The following TMEM135 variants were observed in gnomAD, a reference collection of about 807,000 sequenced individuals.
TMEM135 encodes the protein transmembrane protein 135.
Under a neutral mutation model 60.3 loss-of-function variants are expected in TMEM135, and 30 were observed. The ratio of observed to expected loss-of-function variants is 0.50; its 90% CI spans 0.37 to 0.68. TMEM135 has a LOEUF of 0.68. TMEM135 is among the 30% of genes least tolerant of loss of function. The pLI, the probability that TMEM135 is intolerant of heterozygous loss-of-function variation, is 0.00. For synonymous variants in TMEM135, 190 were observed against 186.7 expected (o/e 1.02, Z -0.14); for missense variants, 468 against 548.8 (o/e 0.85, Z 1.47).
chr11:87,044,554 T>C (rs1949778010), intron 1 of TMEM135, among the ~76,000 whole-genome samples: 2 of 152,098 alleles, frequency 1.3e-5, no homozygotes, highest in Non-Finnish European at 2.9e-5. Flanking sequence ...ACCTAACTTA[T>C]GGGGGTGTAA....
At chr11:87,311,439 TA>T (rs1942639840) in intron 10 of TMEM135, among the ~76,000 whole-genome samples, 1 of 152,174 alleles carries the variant, frequency 6.6e-6, no homozygotes, top group South Asian at 2.1e-4. Flanking sequence ...TATTCACATT[TA>T]AAAAAATTTC....
chr11:87,230,987 A>G (rs950445841), intron 5 of TMEM135, among the ~76,000 whole-genome samples: 3 of 152,114 alleles, frequency 2.0e-5, no homozygotes, highest in Non-Finnish European at 4.4e-5. Context: ...AACAAAGTCT[A>G]TGAAAAAATG....
At chr11:87,129,265 C>T (rs1484808290) in intron 4 of TMEM135, among the ~76,000 whole-genome samples, 2 of 95,694 alleles carry the variant, frequency 2.1e-5, no homozygotes, top group African/African-American at 3.9e-5. Context: ...TTTTTTGAGA[C>T]GGAGTCTTGT....
rs1942842076 is a variant in TMEM135, at chr11:87,322,627, T to G, written c.*1294T>G. On this transcript the variant is annotated 3_prime_UTR_variant, in exon 15 of 15. Transcript: ENST00000305494. ...ATACATTTTGTTGCTAAAAAGTTTT[T>G]AGGCCAGTGCAAATTATGCAGTAGA... 1 of 453,186 alleles carries G rather than the reference T, an allele frequency of 2.2e-6. No homozygotes were observed. Among genetic ancestry groups the G allele is most frequent in the Non-Finnish European group, 4.4e-6 (1 of 226,660 alleles). The allele number at this position is 453,186 out of a possible 1,614,324, so 28.1% of individuals were successfully genotyped here.
intron 6 of TMEM135, among the ~76,000 whole-genome samples, chr11:87,253,807 T>C (rs1046740951): frequency 2.6e-5 from 4 of 151,682 alleles, no homozygotes; most frequent in Non-Finnish European, 4.4e-5. Context: ...ACCTAGAATT[T>C]AATAGTAACA....
At chr11:87,239,857 GT>G (rs1395896236) in intron 6 of TMEM135, among the ~76,000 whole-genome samples, 1 of 151,866 alleles carries the variant, frequency 6.6e-6, no homozygotes, top group Non-Finnish European at 1.5e-5. Flanking sequence ...AAAGCAACAC[GT>G]TTTTGATATT....
intron 5 of TMEM135, among the ~76,000 whole-genome samples, chr11:87,228,477 AG>A (rs1293587784): frequency 4.6e-5 from 7 of 152,278 alleles, no homozygotes; most frequent in Admixed American, 4.6e-4. Context: ...CGCAAGAGGA[AG>A]CGTATTGCTC....
chr11:87,083,443 G>C (rs978334579), intron 3 of TMEM135, among the ~76,000 whole-genome samples: 1 of 152,192 alleles, frequency 6.6e-6, no homozygotes, highest in East Asian at 1.9e-4. Flanking sequence ...AAGAATTGCA[G>C]TGTGCTCAAA....
chr11:87,209,717 C>G (rs1940317680), intron 5 of TMEM135, among the ~76,000 whole-genome samples: 1 of 152,028 alleles, frequency 6.6e-6, no homozygotes, highest in Non-Finnish European at 1.5e-5. Flanking sequence ...CATCCAAGAA[C>G]AACATCCAAG....
At chr11:87,249,692 T>C (rs1263973444) in intron 6 of TMEM135, among the ~76,000 whole-genome samples, 1 of 152,188 alleles carries the variant, frequency 6.6e-6, no homozygotes. Context: ...AATTATCTTT[T>C]TACTGTGCTG....
At chr11:87,119,019 G>A (rs527967443) in intron 4 of TMEM135, among the ~76,000 whole-genome samples, 16 of 152,242 alleles carry the variant, frequency 1.1e-4, no homozygotes, top group Admixed American at 4.6e-4. Flanking sequence ...CTTGTCATTC[G>A]TGTATTCACT....
intron 3 of TMEM135, among the ~76,000 whole-genome samples, chr11:87,085,204 G>C (rs1374089236): frequency 1.3e-5 from 2 of 152,200 alleles, no homozygotes; most frequent in Non-Finnish European, 2.9e-5. Context: ...TCCTGTCAAA[G>C]AGTGTGGCTC....
At chr11:87,147,182 G>T (rs1938438246) in intron 4 of TMEM135, among the ~76,000 whole-genome samples, 1 of 152,092 alleles carries the variant, frequency 6.6e-6, no homozygotes, top group African/African-American at 2.4e-5. Flanking sequence ...AATTAGCCTG[G>T]CATGGTGGCG....
chr11:87,206,620 A>C (rs925752245), intron 5 of TMEM135, among the ~76,000 whole-genome samples: 2 of 152,200 alleles, frequency 1.3e-5, no homozygotes, highest in African/African-American at 4.8e-5. Flanking sequence ...TAAACAACAC[A>C]AACACTTAAT....
intron 1 of TMEM135, among the ~76,000 whole-genome samples, chr11:87,060,436 G>C (rs866687353): frequency 6.6e-6 from 1 of 152,096 alleles, no homozygotes; most frequent in African/African-American, 2.4e-5. Context: ...TCTGAGAATA[G>C]GCAACTTGAT....
At chr11:87,281,055 G>A (rs115234636) in intron 6 of TMEM135, among the ~76,000 whole-genome samples, 1 of 152,130 alleles carries the variant, frequency 6.6e-6, no homozygotes, top group African/African-American at 2.4e-5. Flanking sequence ...GTATGTTTAT[G>A]TCTAAATGTA....
At position 87,325,328 on chromosome 11, in the gene TMEM135, T is replaced by C. The variant is rs751631694; in HGVS notation, c.*3995T>C. The C allele has an allele frequency of 4.2e-5, 19 of 453,988 alleles. No individual in the cohort carries two copies. Among genetic ancestry groups the C allele is most frequent in the Non-Finnish European group, 8.4e-5 (19 of 226,790 alleles). 28.1% of individuals were successfully genotyped at this position (453,988 alleles called of 1,614,324 possible). A position where few individuals can be genotyped will look rare whatever the true frequency, so the allele number is the denominator to read the frequency against. ...GTTGGCCATGATATAGCTAGTGTCA[T>C]AGGACTACAGCAGAGTAGTGAGTGA... On this transcript the variant is annotated 3_prime_UTR_variant, in exon 15 of 15. Coordinates refer to ENST00000305494, the MANE Select transcript of TMEM135 (RefSeq NM_022918.4).
Position 87,323,054 on chromosome 11 carries a change from G to A in TMEM135, c.*1721G>A. The A allele has an allele frequency of 6.6e-6, 3 of 454,210 alleles. No individual in the cohort carries two copies. The highest frequency in any genetic ancestry group is 1.6e-5 in the South Asian group (1 of 64,388). 28.1% of individuals were successfully genotyped at this position (454,210 alleles called of 1,614,324 possible). On this transcript the variant is annotated 3_prime_UTR_variant, in exon 15 of 15. Coordinates refer to ENST00000305494, the MANE Select transcript of TMEM135 (RefSeq NM_022918.4). ...ACCTCATTTTCTTTATCCAGAAATT[G>A]TGCTTATATATTTTCCTGTCAGGTT...
At chr11:87,305,828 T>TC (rs991609600) in intron 8 of TMEM135, 108 bp from the exon 9 acceptor site, 302 of 237,378 alleles carry the variant, frequency 1.3e-3, no homozygotes, top group East Asian at 2.0e-3. Context: ...CTTCTCTCTC[T>TC]TTTTTTTTTT....
Sources: gnomAD v4.1 joint callset for allele counts (sites outside exome capture counted in the v4.1 genomes callset) on GRCh38, gnomAD v4.1.1 for gene constraint, MANE v1.5 for transcripts, NCBI Gene and HGNC (gene_info 2026-07-23, HGNC 2026-07-21) for gene names.